Variants in USP47 observed in about 807,000 individuals in gnomAD.
The protein encoded by USP47 is ubiquitin carboxyl-terminal hydrolase 47.
Under a neutral mutation model 165.1 loss-of-function variants are expected in USP47, and 35 were observed. The observed-to-expected ratio is 0.21, with a 90% CI of 0.16 to 0.28. The LOEUF is 0.28. USP47 is among the 10% of genes least tolerant of loss of function. USP47 has a pLI of 1.00. For synonymous variants in USP47, 531 were observed against 544.5 expected (o/e 0.98, Z 0.35); for missense variants, 1,277 against 1,607.4 (o/e 0.79, Z 3.52).
intron 1 of USP47, chr11:11,856,970 A>G (rs1281118547): frequency 6.6e-6 from 1 of 152,212 alleles, no homozygotes; most frequent in African/African-American, 2.4e-5. Context: ...TGTTGGTGGC[A>G]GTCACAGTGC....
intron 1 of USP47, among the ~76,000 whole-genome samples, chr11:11,868,158 T>G (rs1849803669): frequency 6.6e-6 from 1 of 152,230 alleles, no homozygotes; most frequent in South Asian, 2.1e-4. Flanking sequence ...CAGTCTACAC[T>G]AATGGTAACA....
At chr11:11,897,873 G>A (rs1420682587) in intron 5 of USP47, among the ~76,000 whole-genome samples, 180 bp downstream of exon 5, 1 of 152,088 alleles carries the variant, frequency 6.6e-6, no homozygotes, top group African/African-American at 2.4e-5. Context: ...TGAAAAATGT[G>A]TGCGGAGAGA....
Position 11,859,595 on chromosome 11 carries a change from A to G in USP47, c.39+17371A>G, listed in dbSNP as rs1221146233. ...GATCTTTGCAGATGTTCCTCATCTG[A>G]TGAAATTCCTCTTACCTGCATCCCC... On this transcript the variant is annotated intron_variant, in intron 1 of 27. Coordinates refer to ENST00000527733, the MANE Select transcript of USP47 (RefSeq NM_001282659.2). 2.6e-5 allele frequency among the ~76,000 whole-genome samples: 4 copies of G among 152,284 alleles called. No homozygotes were observed. In the East Asian group the frequency reaches 7.7e-4, roughly 29 times the overall value.
chr11:11,941,380 A>G (rs1855459585), intron 19 of USP47, among the ~76,000 whole-genome samples: 1 of 151,938 alleles, frequency 6.6e-6, no homozygotes, highest in Non-Finnish European at 1.5e-5. Flanking sequence ...ACTGGTTTCA[A>G]TTTGTAACAT....
Position 11,843,001 on chromosome 11 carries a change from A to G in USP47, c.39+777A>G, listed in dbSNP as rs138544320. 1.0e-3 allele frequency among the ~76,000 whole-genome samples: 157 copies of G among 152,266 alleles called. 1 individual carries two copies. The highest frequency in any genetic ancestry group is 0.01 in the Middle Eastern group (3 of 294). On this transcript the variant is annotated intron_variant, in intron 1 of 27. Coordinates refer to ENST00000527733, the MANE Select transcript of USP47 (RefSeq NM_001282659.2). Reference sequence around the variant, plus strand: ...ATCCAGCACTGGCCAGCGAATTTCAACGTATTAATAGTATCTCTGTTGGCT... The same window carrying G: ...ATCCAGCACTGGCCAGCGAATTTCAGCGTATTAATAGTATCTCTGTTGGCT...
At chr11:11,933,520 A>G (rs1854828269) in intron 15 of USP47, among the ~76,000 whole-genome samples, 2 of 152,142 alleles carry the variant, frequency 1.3e-5, no homozygotes, top group Non-Finnish European at 2.9e-5. Context: ...AGGGATATTC[A>G]TTATAGCATT....
intron 15 of USP47, among the ~76,000 whole-genome samples, chr11:11,933,426 A>G (rs1407935358): frequency 6.6e-6 from 1 of 152,020 alleles, no homozygotes; most frequent in African/African-American, 2.4e-5. Context: ...CAAGAGCCTT[A>G]AGCAAAATCA....
intron 20 of USP47, among the ~76,000 whole-genome samples, chr11:11,944,902 C>T (rs1343516927): frequency 6.6e-6 from 1 of 151,978 alleles, no homozygotes; most frequent in Non-Finnish European, 1.5e-5. Flanking sequence ...TAGTCTCAAC[C>T]GTAGGAAAAA....
intron 20 of USP47, among the ~76,000 whole-genome samples, chr11:11,947,562 C>T (rs185944118): frequency 2.6e-5 from 4 of 152,280 alleles, no homozygotes; most frequent in Admixed American, 1.3e-4. Flanking sequence ...AATGGAGGTA[C>T]GGAGGCTGGC....
In USP47 at chr11:11,872,603, C is replaced by T. The variant is rs80205356; in HGVS notation, c.40-7574C>T. On this transcript the variant is annotated intron_variant, in intron 1 of 27. Coordinates refer to ENST00000527733, the MANE Select transcript of USP47 (RefSeq NM_001282659.2). ...TAAAGACCCTGAAGGATGATGGATG[C>T]CTGATAGTTTAGATTTGCTTATAGA... Among the ~76,000 whole-genome samples, 685 of 152,248 alleles carry T rather than the reference C, an allele frequency of 4.5e-3. 5 individuals carry two copies. The highest frequency in any genetic ancestry group is 0.014 in the African/African-American group (589 of 41,538).
At chr11:11,930,835 T>G (rs1419899361) in intron 14 of USP47, 84 bp downstream of exon 14, 2 of 1,069,274 alleles carry the variant, frequency 1.9e-6, no homozygotes, top group East Asian at 5.0e-5. Context: ...ATAACTACTT[T>G]TAAATGATAG....
Position 11,916,471 on chromosome 11 carries a change from CAAA to C in USP47, c.970-3682_970-3680del, listed in dbSNP as rs1229643657. 8.2e-4 allele frequency among the ~76,000 whole-genome samples: 125 copies of C among 151,876 alleles called. 2 individuals carry two copies. The highest frequency in any genetic ancestry group is 8.2e-3 in the Admixed American group (125 of 15,258). The stretch of plus-strand genomic sequence containing the variant: ...TAAGCAAAGAAATAGATTTAAAAAA[CAAA>C]AACAATGCTGTAAGAAATGAAGTGG... On this transcript the variant is annotated intron_variant, in intron 8 of 27. Transcript: ENST00000527733.
intron 1 of USP47, among the ~76,000 whole-genome samples, chr11:11,850,412 G>GA (rs11388886): frequency 0.78 from 111,385 of 143,346 alleles, 43,718 homozygotes; most frequent in African/African-American, 0.91. Flanking sequence ...TCCTTTTTTT[G>GA]AAAAAAAAAT....
intron 8 of USP47, among the ~76,000 whole-genome samples, chr11:11,916,953 C>T (rs926192896): frequency 2.8e-5 from 4 of 145,206 alleles, no homozygotes; most frequent in Non-Finnish European, 5.9e-5. Context: ...AGTTTGAGAC[C>T]AGTTTGGGCA....
chr11:11,869,790 C>T (rs1849914112), intron 1 of USP47, among the ~76,000 whole-genome samples: 1 of 152,156 alleles, frequency 6.6e-6, no homozygotes, highest in Non-Finnish European at 1.5e-5. Flanking sequence ...GCTCTGCCCT[C>T]ATGAATGGAC....
chr11:11,847,477 C>T (rs1330821769), intron 1 of USP47, among the ~76,000 whole-genome samples: 2 of 152,156 alleles, frequency 1.3e-5, no homozygotes, highest in Non-Finnish European at 2.9e-5. Context: ...CTAGGACCCA[C>T]AAATTAAATA....
At chr11:11,891,270 T>A (rs759015048) in intron 3 of USP47, among the ~76,000 whole-genome samples, 3 of 152,252 alleles carry the variant, frequency 2.0e-5, no homozygotes, top group Non-Finnish European at 4.4e-5. Flanking sequence ...TTAATGACGC[T>A]TTGCTCAGGA....
At chr11:11,891,066 G>A (rs1434456407) in intron 3 of USP47, among the ~76,000 whole-genome samples, 1 of 152,154 alleles carries the variant, frequency 6.6e-6, no homozygotes, top group Non-Finnish European at 1.5e-5. Context: ...CCTAGGTGAT[G>A]GGATGATCTG....
At chr11:11,854,313 A>G (rs1848904740) in intron 1 of USP47, among the ~76,000 whole-genome samples, 1 of 146,862 alleles carries the variant, frequency 6.8e-6, no homozygotes, top group African/African-American at 2.4e-5. Flanking sequence ...ATTAGATGGG[A>G]GGTTCCTCAG....
Sources: allele counts gnomAD v4.1 joint callset (sites outside exome capture counted in the v4.1 genomes callset), GRCh38; gene constraint gnomAD v4.1.1; transcripts MANE v1.5; gene names NCBI Gene and HGNC (gene_info 2026-07-23, HGNC 2026-07-21).